Variants in GOLGA3 observed in about 807,000 individuals in gnomAD.
The protein encoded by GOLGA3 is golgin subfamily A member 3.
Under a neutral mutation model 169.4 loss-of-function variants are expected in GOLGA3, and 75 were observed. The observed-to-expected ratio is 0.44, with a 90% CI of 0.37 to 0.54. GOLGA3 has a LOEUF of 0.54. Among genes scored for constraint, GOLGA3 ranks in the 20% least tolerant of loss-of-function variants. GOLGA3 has a pLI of 0.00. For synonymous variants in GOLGA3, 824 were observed against 822.4 expected, an observed-to-expected ratio of 1.00 and a Z score of -0.03; for missense variants, 1,899 against 1,930.0, an observed-to-expected ratio of 0.98 and a Z score of 0.30.
chr12:132,784,123 C>T (rs779878860), intron 16 of GOLGA3, 41 bp downstream of exon 16: 1 of 1,601,142 alleles, frequency 6.2e-7, no homozygotes, highest in Non-Finnish European at 8.5e-7. Flanking sequence ...GCTCACGTGA[C>T]CTGCCCCACG....
Position 132,807,888 on chromosome 12 carries a change from C to A in GOLGA3, c.1178+3G>T. ...CCCCGCCCACCTCTGCTGTCCCCACCACCTGCTGCAGATGCTGTCTCTCCG... is the reference window on the plus strand; with the variant it reads ...CCCCGCCCACCTCTGCTGTCCCCACAACCTGCTGCAGATGCTGTCTCTCCG... On this transcript the variant is annotated splice_donor_region_variant and intron_variant, in intron 5 of 23. Coordinates refer to ENST00000450791, the MANE Select transcript of GOLGA3 (RefSeq NM_001389683.1). 1 of 1,594,336 alleles carries A rather than the reference C, an allele frequency of 6.3e-7. No homozygotes were observed. Among genetic ancestry groups the A allele is most frequent in the Non-Finnish European group, 8.5e-7 (1 of 1,170,318 alleles).
intron 8 of GOLGA3, 88 bp downstream of exon 8, chr12:132,801,679 C>T: frequency 7.5e-7 from 1 of 1,331,124 alleles, no homozygotes. Context: ...CCTGTGAACT[C>T]TAAAAACAGA....
At position 132,786,596 on chromosome 12, in the gene GOLGA3, T is replaced by C. The variant is rs1218670513; in HGVS notation, c.2907-41A>G. The C allele has an allele frequency of 1.9e-6, 3 of 1,604,134 alleles. No homozygotes were observed. In the South Asian group the frequency reaches 3.3e-5, roughly 18 times the overall value. ...GGAGACACAGGAGGAAGCTGAATTA[T>C]CCCGATGTGACCGTCTGGCATTCTG... On this transcript the variant is annotated intron_variant, in intron 14 of 23. Coordinates refer to ENST00000450791, the MANE Select transcript of GOLGA3 (RefSeq NM_001389683.1).
intron 3 of GOLGA3, among the ~76,000 whole-genome samples, chr12:132,814,023 C>CTT (rs34633724): frequency 1.9e-5 from 2 of 102,992 alleles, no homozygotes; most frequent in African/African-American, 3.9e-5. Flanking sequence ...CGCGCCCGGC[C>CTT]TTTTTTTTTT....
At chr12:132,792,663 C>A (rs561797633) in intron 11 of GOLGA3, among the ~76,000 whole-genome samples, 1 of 150,448 alleles carries the variant, frequency 6.6e-6, no homozygotes. Context: ...GACCTGCACT[C>A]GGAGGGCTCC....
intron 23 of GOLGA3, among the ~76,000 whole-genome samples, chr12:132,773,529 A>T (rs2045028709): frequency 6.6e-6 from 1 of 152,196 alleles, no homozygotes; most frequent in African/African-American, 2.4e-5. Context: ...GCTGTCACTG[A>T]GGCCTGGCAC....
chr12:132,775,046 T>C, intron 22 of GOLGA3, 95 bp downstream of exon 22: 5 of 1,110,550 alleles, frequency 4.5e-6, no homozygotes, highest in Non-Finnish European at 6.5e-6. Context: ...AACAAATCCG[T>C]TTATGTCTGA....
In GOLGA3 at chr12:132,800,815, C is replaced by T. The variant is rs145272057; in HGVS notation, c.1800+952G>A. Among the ~76,000 whole-genome samples, 731 of 152,186 alleles carry T rather than the reference C, an allele frequency of 4.8e-3. 3 individuals are homozygous for T. Among genetic ancestry groups the T allele is most frequent in the African/African-American group, 0.017 (690 of 41,534 alleles). On this transcript the variant is annotated intron_variant, in intron 8 of 23. Coordinates refer to ENST00000450791, the MANE Select transcript of GOLGA3 (RefSeq NM_001389683.1). ...CTCTACAAAAAGTACAAAACTTAGC[C>T]GGGCATGGTGGCAAATGTCTGTGAT... is the stretch of plus-strand genomic sequence containing the variant.
At chr12:132,801,466 C>T (rs1173191815) in intron 8 of GOLGA3, among the ~76,000 whole-genome samples, 3 of 151,850 alleles carry the variant, frequency 2.0e-5, no homozygotes, top group South Asian at 2.1e-4. Flanking sequence ...GGGAGGGTCC[C>T]GAGACCCAGG....
chr12:132,789,981 G>A (rs371590987), intron 12 of GOLGA3, among the ~76,000 whole-genome samples: 19 of 150,842 alleles, frequency 1.3e-4, no homozygotes, highest in East Asian at 3.9e-4. Context: ...TGCAGTGAGC[G>A]GAGACAGCAC....
At chr12:132,791,519 G>T (rs546556051) in intron 11 of GOLGA3, among the ~76,000 whole-genome samples, 54 of 151,818 alleles carry the variant, frequency 3.6e-4, no homozygotes, top group African/African-American at 1.1e-3. Context: ...CATCTGCAGC[G>T]ATGTTACACT....
At position 132,812,120 on chromosome 12, in the gene GOLGA3, G is replaced by A. The variant is rs555182155; in HGVS notation, c.519+1187C>T. ...GGAGAATTGCTTGAACTAGGGAGAC[G>A]GAGGTTGCAGTGGGCCAAGACTGCA... is the stretch of plus-strand genomic sequence containing the variant. On this transcript the variant is annotated intron_variant, in intron 4 of 23. Coordinates refer to ENST00000450791, the MANE Select transcript of GOLGA3 (RefSeq NM_001389683.1). 5.3e-5 allele frequency among the ~76,000 whole-genome samples: 8 copies of A among 150,428 alleles called. No homozygotes were observed. The East Asian group carries it at 5.8e-4, about 11-fold the overall frequency.
intron 4 of GOLGA3, 33 bp downstream of exon 4, chr12:132,813,274 T>C (rs761647316): frequency 2.1e-6 from 3 of 1,435,246 alleles, no homozygotes; most frequent in African/African-American, 2.8e-5. Context: ...ACAGGAAGCT[T>C]TCCATGAGCT....
chr12:132,780,370 G>A (rs945514266), intron 18 of GOLGA3, among the ~76,000 whole-genome samples: 3 of 152,218 alleles, frequency 2.0e-5, no homozygotes, highest in African/African-American at 4.8e-5. Flanking sequence ...TGCTGGCGAC[G>A]TGACCAACGT....
At chr12:132,826,940 A>G (rs1950441125) in intron 1 of GOLGA3, among the ~76,000 whole-genome samples, 1 of 152,202 alleles carries the variant, frequency 6.6e-6, no homozygotes, top group Non-Finnish European at 1.5e-5. Context: ...AATCAGTCTC[A>G]CTTATGATCA....
In GOLGA3 at chr12:132,772,172, T is replaced by C. The variant is rs762071042; in HGVS notation, c.*933A>G. The C allele has an allele frequency of 6.6e-6, 1 of 152,240 alleles. No individual in the cohort carries two copies. Among genetic ancestry groups the C allele is most frequent in the Non-Finnish European group, 1.5e-5 (1 of 68,034 alleles). 9.4% of individuals were successfully genotyped at this position (152,240 alleles called of 1,614,324 possible). ...ACTATCCCTAAATCCTGCAGGTAAA[T>C]TATTCCCAACAAATTTTCAAAAGGC... is the stretch of plus-strand genomic sequence containing the variant. On this transcript the variant is annotated 3_prime_UTR_variant, in exon 24 of 24. Coordinates refer to ENST00000450791, the MANE Select transcript of GOLGA3 (RefSeq NM_001389683.1).
chr12:132,801,077 C>G (rs1007441142), intron 8 of GOLGA3, among the ~76,000 whole-genome samples: 5 of 152,268 alleles, frequency 3.3e-5, no homozygotes, highest in Admixed American at 2.6e-4. Context: ...GAACCATTCG[C>G]CTGTCGGTCT....
intron 1 of GOLGA3, among the ~76,000 whole-genome samples, chr12:132,824,321 T>C (rs565163928): frequency 2.0e-5 from 3 of 152,324 alleles, no homozygotes; most frequent in East Asian, 1.9e-4. Context: ...CTCATAACTA[T>C]AATAATCCAC....
intron 2 of GOLGA3, among the ~76,000 whole-genome samples, chr12:132,817,192 C>A: frequency 7.0e-6 from 1 of 143,804 alleles, no homozygotes; most frequent in Non-Finnish European, 1.5e-5. Flanking sequence ...GCCCTCCACA[C>A]CTCCACGCTC....
Sources: allele counts gnomAD v4.1 joint callset (sites outside exome capture counted in the v4.1 genomes callset), GRCh38; gene constraint gnomAD v4.1.1; transcripts MANE v1.5; gene names NCBI Gene and HGNC (gene_info 2026-07-23, HGNC 2026-07-21).